CCDC3: variants seen among roughly 807,000 people sequenced by gnomAD.
CCDC3 encodes coiled-coil domain containing 3.
In CCDC3, 24 loss-of-function variants were observed where a neutral mutation model predicts 21.4. The ratio of observed to expected loss-of-function variants is 1.12; its 90% confidence interval spans 0.81 to 1.58. The LOEUF (loss-of-function observed/expected upper bound fraction) is 1.58, where lower values mean the gene tolerates loss of function less well. Among genes scored for constraint, CCDC3 ranks in the 40% most tolerant of loss-of-function variants. CCDC3 has a pLI of 0.00. For missense variants in CCDC3, 425 were observed against 360.9 expected (o/e 1.18, Z -1.44); for synonymous variants, 186 against 166.0 (o/e 1.12, Z -0.93).
rs139240418 is a variant in CCDC3, at chr10:12,919,057, AAAAAC to A, written c.550-20383_550-20379del. Among the ~76,000 whole-genome samples the A allele has an allele frequency of 4.5e-3, 691 of 152,186 alleles. 3 individuals are homozygous for A. The highest frequency in any genetic ancestry group is 0.015 in the African/African-American group (630 of 41,500). Reference sequence around the variant, plus strand: ...GGTGACAGAGCAAGACCCCATCTCGAAAAACAAAACAAAACAAAAAAGACACCAAG... The same window carrying A: ...GGTGACAGAGCAAGACCCCATCTCGAAAAACAAAACAAAAAAGACACCAAG... On this transcript the variant is annotated intron_variant, in intron 2 of 2. Coordinates refer to ENST00000378825, the MANE Select transcript of CCDC3 (RefSeq NM_031455.4).
At chr10:13,046,187 C>T (rs1178542668) in intron 5 of CCDC3, among the ~76,000 whole-genome samples, 1 of 151,598 alleles carries the variant, frequency 6.6e-6, no homozygotes, top group Non-Finnish European at 1.5e-5. Context: ...AGGAGGATTG[C>T]TTCAGCCCAG....
Position 13,042,718 on chromosome 10 carries a change from C to T in CCDC3, c.-2+6956G>A, listed in dbSNP as rs11258155. 6.9e-3 allele frequency among the ~76,000 whole-genome samples: 1,042 copies of T among 151,702 alleles called. 15 individuals carry two copies. Among genetic ancestry groups the T allele is most frequent in the African/African-American group, 0.024 (979 of 41,300 alleles). On this transcript the variant is annotated intron_variant, in intron 5 of 6. Transcript: ENST00000378839. ...GGTCAGGAGATCGAGACCATCCTGG[C>T]TAACATGGTGAAACCCTGTCTCTAC...
chr10:12,968,081 A>G (rs1835287031), intron 2 of CCDC3, among the ~76,000 whole-genome samples: 1 of 152,064 alleles, frequency 6.6e-6, no homozygotes, highest in East Asian at 1.9e-4. Context: ...AGGCAGGAGA[A>G]TCATTTGAAG....
At chr10:12,987,875 C>T (rs540696629) in intron 2 of CCDC3, among the ~76,000 whole-genome samples, 6 of 152,324 alleles carry the variant, frequency 3.9e-5, no homozygotes, top group Non-Finnish European at 7.3e-5. Context: ...CCAGCCATTT[C>T]TTCCCAGAGC....
intron 5 of CCDC3, among the ~76,000 whole-genome samples, chr10:13,023,992 C>G (rs1208319908): frequency 6.6e-6 from 1 of 152,132 alleles, no homozygotes; most frequent in Admixed American, 6.6e-5. Context: ...TTTTGAAATC[C>G]AGTAAGGTAC....
chr10:13,070,670 A>G (rs1416389712), intron 4 of CCDC3, among the ~76,000 whole-genome samples: 1 of 152,214 alleles, frequency 6.6e-6, no homozygotes, highest in Non-Finnish European at 1.5e-5. Context: ...GCTCAGCTTT[A>G]AAAGGTCTTA....
chr10:13,079,571 A>G (rs1179570425), intron 3 of CCDC3, among the ~76,000 whole-genome samples: 1 of 152,154 alleles, frequency 6.6e-6, no homozygotes, highest in Non-Finnish European at 1.5e-5. Flanking sequence ...CTGAGAAAAG[A>G]AAAGCCACGG....
At chr10:12,933,458 ATT>A (rs61565163) in intron 2 of CCDC3, among the ~76,000 whole-genome samples, 2 of 144,620 alleles carry the variant, frequency 1.4e-5, no homozygotes, top group Admixed American at 6.9e-5. Context: ...TATTCCCTTT[ATT>A]TTTTTTTTTT....
At chr10:12,927,666 C>T (rs10508449) in intron 2 of CCDC3, among the ~76,000 whole-genome samples, 8,024 of 152,156 alleles carry the variant, frequency 0.053, 237 homozygotes, top group Non-Finnish European at 0.071. Context: ...ATAATGTAGA[C>T]GCTTAGGAGT....
In CCDC3 at chr10:13,001,211, AT is replaced by A. The variant is rs775439438; in HGVS notation, c.359del (p.Tyr120PhefsTer102). ...HSHTVVQDYS[Y>X]FFFLRMDENY... ...GCCGGGCTCACCTGAGGAAGAAGAA[AT>A]AGGAGTAGTCCTGGACCACGGTGTG... On this transcript the variant is annotated frameshift_variant, in exon 1 of 3. Transcript: ENST00000378825. LOFTEE classifies it high-confidence loss of function. 1.4e-4 allele frequency: 216 copies of A among 1,558,890 alleles called. No individual in the cohort carries two copies. The highest frequency in any genetic ancestry group is 1.7e-4 in the Admixed American group (9 of 51,606).
Position 13,001,258 on chromosome 10 carries a change from C to G in CCDC3, c.313G>C (p.Gly105Arg). ...AGSRLNLTGL[G>R]YFSCHSHTVV... ...GTGTGGGAGTGGCACGAGAAGTAGC[C>G]CAGGCCGGTGAGGTTGAGCCTGGAG... is the stretch of plus-strand genomic sequence containing the variant. The change falls in exon 1 of 3, where the codon GGC (glycine) becomes CGC (arginine). Residue 105 changes from glycine (G) to arginine (R), a missense_variant. By Grantham distance (125) the Gly-to-Arg change is moderately radical. Coordinates refer to ENST00000378825, the MANE Select transcript of CCDC3 (RefSeq NM_031455.4). 6.3e-7 allele frequency: 1 copy of G among 1,595,126 alleles called. No individual in the cohort carries two copies. Among genetic ancestry groups the G allele is most frequent in the Non-Finnish European group, 8.5e-7 (1 of 1,171,962 alleles).
chr10:13,081,757 A>C (rs1387631797), intron 3 of CCDC3, among the ~76,000 whole-genome samples: 1 of 152,246 alleles, frequency 6.6e-6, no homozygotes, highest in Non-Finnish European at 1.5e-5. Flanking sequence ...AATTGAGACA[A>C]GGTATCAGGA....
chr10:12,937,950 T>C (rs1300596090), intron 2 of CCDC3, among the ~76,000 whole-genome samples: 2 of 152,184 alleles, frequency 1.3e-5, no homozygotes, highest in East Asian at 3.9e-4. Context: ...CCGTGGCCCT[T>C]ATCCAATTTT....
In CCDC3 at chr10:12,898,243, G is replaced by C; in HGVS notation, c.*173C>G. Reference sequence around the variant, plus strand: ...GGCAGCGCGTGGGGTCTGACATTGAGGCCAGCACCCAAGGGGAAAGCAAGC... The same window carrying C: ...GGCAGCGCGTGGGGTCTGACATTGACGCCAGCACCCAAGGGGAAAGCAAGC... On this transcript the variant is annotated 3_prime_UTR_variant, in exon 3 of 3. Transcript: ENST00000378825. The C allele has an allele frequency of 1.3e-6, 1 of 782,702 alleles. No homozygotes were observed. The allele number at this position is 782,702 out of a possible 1,614,324, so 48.5% of individuals were successfully genotyped here. A position where few individuals can be genotyped will look rare whatever the true frequency, so the allele number is the denominator to read the frequency against.
intron 4 of CCDC3, among the ~76,000 whole-genome samples, chr10:13,056,549 AGT>A (rs1836683384): frequency 6.6e-6 from 1 of 152,210 alleles, no homozygotes; most frequent in Non-Finnish European, 1.5e-5. Context: ...GAGGAGGGCG[AGT>A]GCCTCAAGAA....
chr10:12,977,274 C>CA (rs945248293), intron 2 of CCDC3, among the ~76,000 whole-genome samples: 28 of 136,264 alleles, frequency 2.1e-4, no homozygotes, highest in African/African-American at 7.6e-4. Context: ...GACCTTGTCT[C>CA]AAAAAAAAGG....
At chr10:13,081,714 A>T (rs1219261044) in intron 3 of CCDC3, among the ~76,000 whole-genome samples, 1 of 152,256 alleles carries the variant, frequency 6.6e-6, no homozygotes, top group South Asian at 2.1e-4. Context: ...AAGTCTCTAT[A>T]GTAAAAGTAA....
At chr10:13,006,519 A>AT (rs1055550858), upstream of CCDC3, among the ~76,000 whole-genome samples, 2 of 152,190 alleles carry the variant, frequency 1.3e-5, no homozygotes, top group African/African-American at 4.8e-5. Flanking sequence ...GGCAGCATGG[A>AT]TTTTTGCAAT....
At chr10:12,993,866 G>C (rs1249936875) in intron 2 of CCDC3, among the ~76,000 whole-genome samples, 1 of 152,174 alleles carries the variant, frequency 6.6e-6, no homozygotes, top group Middle Eastern at 3.2e-3. Flanking sequence ...CAGAGTGTGG[G>C]AGGACTTTGC....
Sources: allele counts gnomAD v4.1 joint callset (sites outside exome capture counted in the v4.1 genomes callset), GRCh38; gene constraint gnomAD v4.1.1; transcripts MANE v1.5; gene names NCBI Gene and HGNC (gene_info 2026-07-23, HGNC 2026-07-21).